Variants in IGFBP7 observed in about 807,000 individuals in gnomAD.
The protein encoded by IGFBP7 is insulin like growth factor binding protein 7, also known as insulin-like growth factor-binding protein 7.
Under a neutral mutation model 29.4 loss-of-function variants are expected in IGFBP7, and 31 were observed. That is an observed-to-expected ratio of 1.05 (90% CI 0.79 to 1.42). The LOEUF (loss-of-function observed/expected upper bound fraction) is 1.42, where lower values mean the gene tolerates loss of function less well. Among genes scored for constraint, IGFBP7 ranks in the 40% most tolerant of loss-of-function variants. The probability of loss-of-function intolerance (pLI) is 0.00; values close to 1 mark genes in which losing one functional copy is unlikely to be tolerated. For synonymous variants in IGFBP7, 172 were observed against 174.9 expected, an observed-to-expected ratio of 0.98 and a Z score of 0.13; for missense variants, 393 against 395.5, an observed-to-expected ratio of 0.99 and a Z score of 0.05.
intron 1 of IGFBP7, among the ~76,000 whole-genome samples, chr4:57,043,070 C>T (rs1396102753): frequency 4.6e-5 from 7 of 152,308 alleles, no homozygotes; most frequent in African/African-American, 1.4e-4. Context: ...GGCCTGGCTT[C>T]CCGGCATCTG....
chr4:57,091,314 A>T (rs1468362754), intron 1 of IGFBP7, among the ~76,000 whole-genome samples: 1 of 152,156 alleles, frequency 6.6e-6, no homozygotes, highest in African/African-American at 2.4e-5. Context: ...TGAATGAATG[A>T]GTGAGTGAAG....
chr4:57,089,181 A>G (rs1417713590), intron 1 of IGFBP7, among the ~76,000 whole-genome samples: 1 of 152,212 alleles, frequency 6.6e-6, no homozygotes, highest in Non-Finnish European at 1.5e-5. Context: ...AAACACTACA[A>G]TAATTAGAAA....
intron 1 of IGFBP7, among the ~76,000 whole-genome samples, chr4:57,084,596 GTGCAGCAATTCT>G (rs1336011882): frequency 6.6e-6 from 1 of 151,988 alleles, no homozygotes; most frequent in Non-Finnish European, 1.5e-5. Flanking sequence ...CTCTGAACAC[GTGCAGCAATTCT>G]TGCTTCCACC....
rs138588059 is a variant in IGFBP7 at position 57,061,700 on chromosome 4, T to C, written c.476-20767A>G. Among the ~76,000 whole-genome samples the C allele has an allele frequency of 3.6e-3, 542 of 152,338 alleles. 5 individuals are homozygous for C. Among genetic ancestry groups the C allele is most frequent in the African/African-American group, 0.012 (510 of 41,584 alleles). On this transcript the variant is annotated intron_variant, in intron 1 of 4. Transcript: ENST00000295666. ...GTGTTTGTTTTTGGAATTTCCCATG[T>C]AATATTTTCGGACCAAAACTGACTG...
intron 1 of IGFBP7, among the ~76,000 whole-genome samples, chr4:57,052,109 T>C (rs568320126): frequency 1.3e-5 from 2 of 151,912 alleles, no homozygotes; most frequent in Non-Finnish European, 2.9e-5. Flanking sequence ...ATTTTGGAGG[T>C]CTCCGCATCA....
chr4:57,081,954 T>G lies in IGFBP7; in HGVS notation c.475+27923A>C, dbSNP rs150273642. Among the ~76,000 whole-genome samples, 35 of 152,274 alleles carry G rather than the reference T, an allele frequency of 2.3e-4. No homozygotes were observed. In the East Asian group the frequency reaches 6.2e-3, roughly 27 times the overall value. Reference sequence around the variant, plus strand: ...TACTTGGGATTCTGTGTAAACAGTTTGCATCCAACAGACTTTGGCTTACCA... The same window carrying G: ...TACTTGGGATTCTGTGTAAACAGTTGGCATCCAACAGACTTTGGCTTACCA... On this transcript the variant is annotated intron_variant, in intron 1 of 4. Coordinates refer to ENST00000295666, the MANE Select transcript of IGFBP7 (RefSeq NM_001553.3).
chr4:57,066,294 G>T (rs1372142423), intron 1 of IGFBP7, among the ~76,000 whole-genome samples: 2 of 152,144 alleles, frequency 1.3e-5, no homozygotes, highest in Non-Finnish European at 2.9e-5. Context: ...TGCTCAAAGG[G>T]CACAAAGGAG....
chr4:57,063,941 G>A (rs932152626), intron 1 of IGFBP7, among the ~76,000 whole-genome samples: 1 of 152,224 alleles, frequency 6.6e-6, no homozygotes, highest in South Asian at 2.1e-4. Context: ...GATTAACGCT[G>A]TAGCAACATA....
chr4:57,054,671 A>C (rs1724604350), intron 1 of IGFBP7, among the ~76,000 whole-genome samples: 1 of 149,940 alleles, frequency 6.7e-6, no homozygotes, highest in Non-Finnish European at 1.5e-5. Context: ...AAAAAGAAGA[A>C]GAAATAGATG....
At chr4:57,092,419 G>T (rs765028078) in intron 1 of IGFBP7, among the ~76,000 whole-genome samples, 1 of 152,086 alleles carries the variant, frequency 6.6e-6, no homozygotes, top group Non-Finnish European at 1.5e-5. Flanking sequence ...AACAGGCAGG[G>T]TCCCTGGTTT....
At chr4:57,096,485 C>T (rs563602337) in intron 1 of IGFBP7, among the ~76,000 whole-genome samples, 19 of 152,098 alleles carry the variant, frequency 1.2e-4, no homozygotes, top group South Asian at 8.3e-4. Context: ...CAGGTCACAT[C>T]CAAACCAATT....
chr4:57,056,838 A>G (rs1160965340), intron 1 of IGFBP7, among the ~76,000 whole-genome samples: 1 of 152,254 alleles, frequency 6.6e-6, no homozygotes, highest in Non-Finnish European at 1.5e-5. Flanking sequence ...CATTTTTCAC[A>G]TCAGAAATCT....
intron 1 of IGFBP7, among the ~76,000 whole-genome samples, chr4:57,085,747 CT>C (rs1462869329): frequency 6.6e-6 from 1 of 152,160 alleles, no homozygotes; most frequent in Non-Finnish European, 1.5e-5. Flanking sequence ...TTTCCACAGC[CT>C]TACAAGGAGA....
chr4:57,047,450 GT>G (rs1344780169), intron 1 of IGFBP7, among the ~76,000 whole-genome samples: 6 of 152,148 alleles, frequency 3.9e-5, no homozygotes, highest in South Asian at 2.1e-4. Flanking sequence ...TACAGAGGAG[GT>G]GAAGGAGAAG....
At position 57,039,563 on chromosome 4, in the gene IGFBP7, G is replaced by A. The variant is rs1452518719; in HGVS notation, c.585+1261C>T. 2.0e-5 allele frequency among the ~76,000 whole-genome samples: 3 copies of A among 151,820 alleles called. No individual in the cohort carries two copies. The East Asian group carries it at 5.8e-4, about 29-fold the overall frequency. Reference sequence around the variant, plus strand: ...AGCCCGCACAACAAATAATTATCTGGCCCCAAATGTCAATAGTGCTGAGGC... The same window carrying A: ...AGCCCGCACAACAAATAATTATCTGACCCCAAATGTCAATAGTGCTGAGGC... On this transcript the variant is annotated intron_variant, in intron 2 of 4. Transcript: ENST00000295666.
intron 1 of IGFBP7, among the ~76,000 whole-genome samples, chr4:57,103,853 G>T (rs1419246748): frequency 6.6e-6 from 1 of 150,884 alleles, no homozygotes; most frequent in Non-Finnish European, 1.5e-5. Context: ...TAGAGACGAG[G>T]TCTCACTATG....
At chr4:57,104,959 A>G (rs916894571) in intron 1 of IGFBP7, among the ~76,000 whole-genome samples, 3 of 152,240 alleles carry the variant, frequency 2.0e-5, no homozygotes, top group African/African-American at 7.2e-5. Flanking sequence ...TTGTTAATCA[A>G]CAAATATTTA....
intron 1 of IGFBP7, among the ~76,000 whole-genome samples, chr4:57,064,304 G>T: frequency 6.6e-6 from 1 of 152,218 alleles, no homozygotes; most frequent in Admixed American, 6.5e-5. Flanking sequence ...TCGGGAGGTT[G>T]CAGTGAGCTG....
intron 1 of IGFBP7, among the ~76,000 whole-genome samples, chr4:57,052,958 T>G (rs2109756699): frequency 6.6e-6 from 1 of 152,276 alleles, no homozygotes; most frequent in African/African-American, 2.4e-5. Context: ...GAAAGTTGCT[T>G]CTTGCAATGT....
Sources: gnomAD v4.1 joint callset for allele counts (sites outside exome capture counted in the v4.1 genomes callset) on GRCh38, gnomAD v4.1.1 for gene constraint, MANE v1.5 for transcripts, NCBI Gene and HGNC (gene_info 2026-07-23, HGNC 2026-07-21) for gene names.